The following KPNA3 variants were observed in gnomAD, a reference collection of about 807,000 sequenced individuals.
KPNA3 encodes karyopherin subunit alpha 3, also known as importin subunit alpha-4.
A neutral mutation model predicts 73.8 loss-of-function variants in KPNA3; 13 were observed. The ratio of observed to expected loss-of-function variants is 0.18; its 90% CI spans 0.11 to 0.28. KPNA3 has a LOEUF of 0.28. Ranked by LOEUF, KPNA3 falls within the 10% of genes least tolerant of loss-of-function variation. The probability of loss-of-function intolerance (pLI) is 1.00; values close to 1 mark genes in which losing one functional copy is unlikely to be tolerated. For missense variants in KPNA3, 360 were observed against 618.1 expected (o/e 0.58, Z 4.43); for synonymous variants, 186 against 206.9 (o/e 0.90, Z 0.87).
intron 1 of KPNA3, among the ~76,000 whole-genome samples, chr13:49,774,876 C>G (rs1020818946): frequency 1.3e-5 from 2 of 152,042 alleles, no homozygotes; most frequent in African/African-American, 4.8e-5. Context: ...AATATTCGGC[C>G]AGGCATGGTG....
rs1431336774 is a variant in KPNA3, at chr13:49,764,986, C to G, written c.70-17993G>C. Among the ~76,000 whole-genome samples, 4 of 152,180 alleles carry G rather than the reference C, an allele frequency of 2.6e-5. No homozygotes were observed. In the East Asian group the frequency reaches 7.7e-4, roughly 29 times the overall value. ...TTTGCGGGAGAACACTTCATTCATT[C>G]TCATCTCCTTGACTTCCATAACACC... On this transcript the variant is annotated intron_variant, in intron 1 of 16. Coordinates refer to ENST00000261667, the MANE Select transcript of KPNA3 (RefSeq NM_002267.4).
At chr13:49,705,320 C>G (rs987739669) in intron 15 of KPNA3, among the ~76,000 whole-genome samples, 8 of 149,868 alleles carry the variant, frequency 5.3e-5, no homozygotes, top group Non-Finnish European at 1.0e-4. Flanking sequence ...GATTGTGCCA[C>G]TGCACTCCAG....
intron 1 of KPNA3, among the ~76,000 whole-genome samples, chr13:49,779,097 A>AT (rs5803484): frequency 0.03 from 4,404 of 147,018 alleles, 208 homozygotes; most frequent in African/African-American, 0.098. Context: ...TGCTAGTTCC[A>AT]TTTTTTTTTT....
chr13:49,782,923 G>A (rs1344183178), intron 1 of KPNA3, among the ~76,000 whole-genome samples: 3 of 151,764 alleles, frequency 2.0e-5, no homozygotes, highest in Non-Finnish European at 4.4e-5. Flanking sequence ...ACTAGAATAT[G>A]TAAAGCATCA....
intron 10 of KPNA3, among the ~76,000 whole-genome samples, chr13:49,712,595 C>T (rs535610484): frequency 1.6e-4 from 24 of 150,860 alleles, no homozygotes; most frequent in East Asian, 3.9e-4. Flanking sequence ...CAAGGAAAGG[C>T]GGAGCTGAAA....
intron 4 of KPNA3, 30 bp from the exon 5 acceptor site, chr13:49,732,687 G>GAA (rs11342957): frequency 1.0e-5 from 14 of 1,381,506 alleles, no homozygotes; most frequent in African/African-American, 1.5e-5. Context: ...TTTCAGAAAT[G>GAA]AAAAAAAAAA....
intron 1 of KPNA3, 62 bp downstream of exon 1, chr13:49,792,375 GC>G: frequency 8.1e-7 from 1 of 1,235,556 alleles, no homozygotes; most frequent in Non-Finnish European, 1.1e-6. Context: ...CCGGCCCCCC[GC>G]CCCTCCCCGC....
chr13:49,722,147 T>TA (rs755662713), intron 8 of KPNA3, 23 bp from the exon 9 acceptor site: 58 of 1,455,954 alleles, frequency 4.0e-5, no homozygotes, highest in African/African-American at 1.6e-4. Context: ...AAATTATATT[T>TA]AAAAAAAACT....
intron 1 of KPNA3, among the ~76,000 whole-genome samples, chr13:49,779,557 G>A (rs188705965): frequency 1.5e-4 from 23 of 152,118 alleles, no homozygotes; most frequent in African/African-American, 2.4e-4. Context: ...AGGCTCAGTC[G>A]TTTGTTCCTT....
chr13:49,763,260 T>A (rs1343992386), intron 1 of KPNA3, among the ~76,000 whole-genome samples: 1 of 152,086 alleles, frequency 6.6e-6, no homozygotes, highest in African/African-American at 2.4e-5. Context: ...GTTAGACACA[T>A]AACCAAAATT....
intron 6 of KPNA3, among the ~76,000 whole-genome samples, chr13:49,732,020 A>AC (rs1954474544): frequency 6.6e-6 from 1 of 152,236 alleles, no homozygotes; most frequent in Non-Finnish European, 1.5e-5. Flanking sequence ...TCATGAGGTT[A>AC]ATCTATATAT....
chr13:49,787,690 T>C (rs868505608), intron 1 of KPNA3, among the ~76,000 whole-genome samples: 4,101 of 150,526 alleles, frequency 0.027, 196 homozygotes, highest in African/African-American at 0.094. Context: ...TATTTTTTTT[T>C]TTTTTTTGAG....
intron 6 of KPNA3, among the ~76,000 whole-genome samples, chr13:49,730,322 C>T (rs1954450453): frequency 6.6e-6 from 1 of 151,800 alleles, no homozygotes; most frequent in Non-Finnish European, 1.5e-5. Context: ...CACCTGATGT[C>T]AAGAGTTCAA....
intron 1 of KPNA3, among the ~76,000 whole-genome samples, chr13:49,783,320 A>G (rs1251661149): frequency 2.0e-5 from 3 of 152,182 alleles, no homozygotes; most frequent in Non-Finnish European, 4.4e-5. Context: ...GATGTTGGCT[A>G]TGCTGTAAGA....
intron 12 of KPNA3, 139 bp downstream of exon 12, chr13:49,709,433 T>C: frequency 1.6e-6 from 1 of 642,052 alleles, no homozygotes; most frequent in East Asian, 3.3e-5. Context: ...GAAAAACATT[T>C]GCAGAGGTGA....
At chr13:49,728,128 G>A (rs761891883) in intron 6 of KPNA3, among the ~76,000 whole-genome samples, 9 of 151,650 alleles carry the variant, frequency 5.9e-5, no homozygotes, top group Non-Finnish European at 1.3e-4. Flanking sequence ...CCAGCTACTC[G>A]GGAGGCTGAG....
rs1421486079 is a variant in KPNA3, at chr13:49,709,643, C to G, written c.961G>C (p.Val321Leu). 2 of 1,613,912 alleles carry G rather than the reference C, an allele frequency of 1.2e-6. No individual in the cohort carries two copies. The highest frequency in any genetic ancestry group is 1.7e-6 in the Non-Finnish European group (2 of 1,179,888). ...IVTGTDEQTQ[V>L]VLNCDVLSHF... Reference sequence around the variant, plus strand: ...GACAGGACATCACAATTGAGAACAACCTGGGTCTGCTCGTCGGTGCCAGTC... The same window carrying G: ...GACAGGACATCACAATTGAGAACAAGCTGGGTCTGCTCGTCGGTGCCAGTC... Residue 321 changes from valine to leucine, a missense_variant, in exon 12 of 17, where the codon GTT becomes CTT. Val to Leu is a conservative substitution (Grantham distance 32). This residue lies in a region of KPNA3 where 287 missense variants were observed against 549.1 expected (regional missense o/e 0.52). Transcript: ENST00000261667.
chr13:49,792,528 CGGCTACTCCTGCGGCT>C lies in KPNA3; in HGVS notation c.-38_-23del. The stretch of plus-strand genomic sequence containing the variant: ...CCATGGCTGCGCGCGGCTCCGGCGG[CGGCTACTCCTGCGGCT>C]GCGGCGGCGGCGGCGGCGAATCTTG... On this transcript the variant is annotated 5_prime_UTR_variant, in exon 1 of 17. Coordinates refer to ENST00000261667, the MANE Select transcript of KPNA3 (RefSeq NM_002267.4). 1.4e-6 allele frequency: 2 copies of C among 1,461,492 alleles called. No homozygotes were observed. Among genetic ancestry groups the C allele is most frequent in the Admixed American group, 1.9e-5 (1 of 52,106 alleles). The allele number at this position is 1,461,492 out of a possible 1,614,324, so 90.5% of individuals were successfully genotyped here.
chr13:49,781,986 G>A (rs539450071), intron 1 of KPNA3, among the ~76,000 whole-genome samples: 1 of 152,170 alleles, frequency 6.6e-6, no homozygotes, highest in South Asian at 2.1e-4. Context: ...AGGAATTAAC[G>A]GATGGTTACC....
Sources: allele counts gnomAD v4.1 joint callset (sites outside exome capture counted in the v4.1 genomes callset), GRCh38; gene constraint gnomAD v4.1.1; regional missense constraint gnomAD v4.1.1; transcripts MANE v1.5; gene names NCBI Gene and HGNC (gene_info 2026-07-23, HGNC 2026-07-21).